The following CNTNAP4 variants were observed in gnomAD, a reference collection of about 807,000 sequenced individuals.
CNTNAP4 encodes contactin associated protein family member 4, also known as contactin-associated protein-like 4.
A neutral mutation model predicts 148.4 loss-of-function variants in CNTNAP4; 98 were observed. The ratio of observed to expected loss-of-function variants is 0.66; its 90% CI spans 0.56 to 0.78. The LOEUF is 0.78. CNTNAP4 is among the 30% of genes least tolerant of loss of function. CNTNAP4 has a pLI of 0.00. For synonymous variants in CNTNAP4, 730 were observed against 565.1 expected, an observed-to-expected ratio of 1.29 and a Z score of -4.14; for missense variants, 1,935 against 1,565.6, an observed-to-expected ratio of 1.24 and a Z score of -3.98.
chr16:76,378,575 C>G (rs1018063990), intron 3 of CNTNAP4, among the ~76,000 whole-genome samples: 1 of 152,200 alleles, frequency 6.6e-6, no homozygotes, highest in Non-Finnish European at 1.5e-5. Flanking sequence ...TAGAAATGGA[C>G]AGACAAGGGG....
intron 1 of CNTNAP4, among the ~76,000 whole-genome samples, chr16:76,294,094 A>G (rs1190159682): frequency 3.3e-5 from 5 of 152,178 alleles, no homozygotes; most frequent in African/African-American, 1.2e-4. Flanking sequence ...TTGGAGAGCG[A>G]GTAAGAAACC....
chr16:76,292,956 T>C (rs1567601121), intron 1 of CNTNAP4, among the ~76,000 whole-genome samples: 1 of 152,166 alleles, frequency 6.6e-6, no homozygotes, highest in Non-Finnish European at 1.5e-5. Context: ...CAAATATGCT[T>C]TTGAGTAGTG....
At chr16:76,520,990 C>T in intron 15 of CNTNAP4, 150 bp from the exon 16 acceptor site, 1 of 669,684 alleles carries the variant, frequency 1.5e-6, no homozygotes. Flanking sequence ...TTGTATACTA[C>T]ATAGTTGACA....
intron 3 of CNTNAP4, among the ~76,000 whole-genome samples, chr16:76,419,528 T>C (rs1380337472): frequency 1.3e-5 from 2 of 151,996 alleles, no homozygotes; most frequent in African/African-American, 2.4e-5. Flanking sequence ...TAGTCTACAC[T>C]CAGTTTCCAG....
chr16:76,501,841 C>T (rs1004846065), intron 15 of CNTNAP4, among the ~76,000 whole-genome samples: 8 of 152,070 alleles, frequency 5.3e-5, no homozygotes, highest in Admixed American at 4.6e-4. Context: ...GAGGCCGAGG[C>T]GGGCGGATCA....
At chr16:76,514,601 T>C (rs924470176) in intron 15 of CNTNAP4, among the ~76,000 whole-genome samples, 4 of 152,192 alleles carry the variant, frequency 2.6e-5, no homozygotes, top group African/African-American at 4.8e-5. Flanking sequence ...GGGGTGTTTA[T>C]GGAAACATCT....
At chr16:76,333,753 G>A (rs1249502512) in intron 2 of CNTNAP4, among the ~76,000 whole-genome samples, 1 of 79,082 alleles carries the variant, frequency 1.3e-5, no homozygotes, top group African/African-American at 4.6e-5. Context: ...TAAAGGGTCT[G>A]TTTTTGTTGC....
intron 11 of CNTNAP4, among the ~76,000 whole-genome samples, chr16:76,477,850 T>A (rs1413202133): frequency 1.3e-5 from 2 of 152,176 alleles, no homozygotes; most frequent in Non-Finnish European, 2.9e-5. Context: ...AGTGACTGAA[T>A]CTAAATATAA....
At chr16:76,360,786 C>T (rs954981809) in intron 3 of CNTNAP4, among the ~76,000 whole-genome samples, 3 of 150,884 alleles carry the variant, frequency 2.0e-5, no homozygotes, top group East Asian at 1.9e-4. Flanking sequence ...AATGATTAAC[C>T]TGCTAATGCC....
At chr16:76,388,665 A>G (rs565221463) in intron 3 of CNTNAP4, among the ~76,000 whole-genome samples, 118 of 152,340 alleles carry the variant, frequency 7.7e-4, no homozygotes, top group African/African-American at 2.8e-3. Flanking sequence ...AAACACATAT[A>G]CATCTATTGA....
chr16:76,446,469 C>T (rs925107806), intron 4 of CNTNAP4, among the ~76,000 whole-genome samples: 2 of 152,048 alleles, frequency 1.3e-5, no homozygotes, highest in African/African-American at 4.8e-5. Context: ...GTCTCTTGTT[C>T]AGGTGCAACT....
intron 15 of CNTNAP4, among the ~76,000 whole-genome samples, chr16:76,504,666 T>C (rs890719699): frequency 1.3e-5 from 2 of 152,142 alleles, no homozygotes; most frequent in African/African-American, 2.4e-5. Context: ...TGTCGAGAAA[T>C]TGAAAAGAAA....
intron 17 of CNTNAP4, among the ~76,000 whole-genome samples, chr16:76,532,867 C>G (rs2084046092): frequency 6.6e-6 from 1 of 151,964 alleles, no homozygotes; most frequent in Admixed American, 6.6e-5. Flanking sequence ...AGTAGCAGCT[C>G]TGGTAAGGAA....
intron 21 of CNTNAP4, among the ~76,000 whole-genome samples, chr16:76,546,293 G>C (rs2084728676): frequency 6.6e-6 from 1 of 152,196 alleles, no homozygotes; most frequent in Non-Finnish European, 1.5e-5. Flanking sequence ...GACAAGTACT[G>C]TGCTGCACAG....
intron 8 of CNTNAP4, among the ~76,000 whole-genome samples, chr16:76,460,773 A>AAAAAAATATATAT: frequency 7.0e-5 from 4 of 57,328 alleles, no homozygotes; most frequent in African/African-American, 2.6e-4. Context: ...AAAAAAAAAA[A>AAAAAAATATATAT]ATATATATAT....
intron 4 of CNTNAP4, among the ~76,000 whole-genome samples, chr16:76,436,212 G>A (rs2079820061): frequency 6.6e-6 from 1 of 152,104 alleles, no homozygotes; most frequent in Admixed American, 6.6e-5. Flanking sequence ...TGGAAAGAAT[G>A]ATGGCAGTGT....
intron 3 of CNTNAP4, among the ~76,000 whole-genome samples, chr16:76,416,823 T>A (rs1293618002): frequency 6.6e-6 from 1 of 151,404 alleles, no homozygotes; most frequent in Non-Finnish European, 1.5e-5. Flanking sequence ...ATTCCAACTA[T>A]AATAATGGAC....
At chr16:76,350,911 G>A (rs8045699) in intron 2 of CNTNAP4, among the ~76,000 whole-genome samples, 19,786 of 152,068 alleles carry the variant, frequency 0.13, 1,991 homozygotes, top group East Asian at 0.47. Flanking sequence ...ACAAAGTTAA[G>A]GTAGGAGAAA....
intron 12 of CNTNAP4, among the ~76,000 whole-genome samples, chr16:76,480,444 T>C (rs2081784500): frequency 6.6e-6 from 1 of 152,162 alleles, no homozygotes; most frequent in Non-Finnish European, 1.5e-5. Flanking sequence ...TGAACTAATA[T>C]CCTAAATAAA....
Sources: gnomAD v4.1 joint callset for allele counts (sites outside exome capture counted in the v4.1 genomes callset) on GRCh38, gnomAD v4.1.1 for gene constraint, MANE v1.5 for transcripts, NCBI Gene and HGNC (gene_info 2026-07-23, HGNC 2026-07-21) for gene names.